Variants in CLPB observed in about 807,000 individuals in gnomAD.
CLPB encodes the protein ClpB family mitochondrial disaggregase, also known as mitochondrial disaggregase.
In CLPB, 40 loss-of-function variants were observed where a neutral mutation model predicts 78.4. That is an observed-to-expected ratio of 0.51 (90% confidence interval 0.40 to 0.66). The LOEUF (loss-of-function observed/expected upper bound fraction) is 0.66, where lower values mean the gene tolerates loss of function less well. Among genes scored for constraint, CLPB ranks in the 30% least tolerant of loss-of-function variants. The pLI is 0.00. For synonymous variants in CLPB, 333 were observed against 348.0 expected, an observed-to-expected ratio of 0.96 and a Z score of 0.48; for missense variants, 780 against 886.9, an observed-to-expected ratio of 0.88 and a Z score of 1.53.
intron 5 of CLPB, among the ~76,000 whole-genome samples, chr11:72,344,734 G>A (rs1189220080): frequency 1.3e-5 from 2 of 152,190 alleles, no homozygotes; most frequent in South Asian, 2.1e-4. Flanking sequence ...CATGGGAAGT[G>A]TTAAAACCAT....
rs745539947 is a variant in CLPB, at chr11:72,317,189, T to C, written c.905A>G (p.Glu302Gly). Residue 302 changes from glutamate to glycine, a missense_variant, in exon 7 of 16, where the codon GAG becomes GGG. Around this residue, in one of 3 missense-constraint regions of CLPB, gnomAD observed 417 missense variants for 414.7 expected, o/e 1.01. Transcript: ENST00000538039. ...YQEKQRKREA[E>G]ERRRFPLEQR... ...CTCCAGGGGGAAGCGGCGCCGCTCC[T>C]CAGCCTCACGCTTCCGCTGCTTCTC... 1.9e-6 allele frequency: 3 copies of C among 1,612,046 alleles called. No individual in the cohort carries two copies. Among genetic ancestry groups the C allele is most frequent in the Non-Finnish European group, 2.5e-6 (3 of 1,179,444 alleles).
chr11:72,345,161 C>A (rs1010496226), intron 5 of CLPB, among the ~76,000 whole-genome samples: 1 of 152,112 alleles, frequency 6.6e-6, no homozygotes, highest in Non-Finnish European at 1.5e-5. Context: ...ACCCCCTGAC[C>A]CAGCAATACC....
chr11:72,310,876 A>T (rs1361679966), intron 7 of CLPB: 1 of 152,042 alleles, frequency 6.6e-6, no homozygotes, highest in East Asian at 1.9e-4. Context: ...GTACAAAAAC[A>T]CCATGGAGAA....
intron 3 of CLPB, among the ~76,000 whole-genome samples, chr11:72,397,290 T>C (rs983858173): frequency 2.6e-5 from 4 of 152,254 alleles, no homozygotes; most frequent in Non-Finnish European, 5.9e-5. Flanking sequence ...GGACATTGCA[T>C]TATATCCAGT....
chr11:72,339,902 A>G (rs1950388496), intron 5 of CLPB, among the ~76,000 whole-genome samples: 1 of 152,258 alleles, frequency 6.6e-6, no homozygotes, highest in African/African-American at 2.4e-5. Context: ...TCACTTGCTT[A>G]AACTTACTAC....
chr11:72,363,191 G>T (rs1449681179), intron 4 of CLPB, among the ~76,000 whole-genome samples: 2 of 148,650 alleles, frequency 1.3e-5, no homozygotes, highest in Non-Finnish European at 3.0e-5. Context: ...GGAAGGAAGG[G>T]AAGGGAAGGG....
At chr11:72,378,486 T>C (rs2365379) in intron 4 of CLPB, among the ~76,000 whole-genome samples, 9,242 of 152,236 alleles carry the variant, frequency 0.061, 443 homozygotes, top group African/African-American at 0.13. Context: ...ATGAGACTTA[T>C]TCACTATCAC....
intron 3 of CLPB, among the ~76,000 whole-genome samples, chr11:72,400,604 T>C (rs901142664): frequency 6.6e-6 from 1 of 152,216 alleles, no homozygotes; most frequent in Non-Finnish European, 1.5e-5. Context: ...CACCTCTCCT[T>C]CTTTAGCACC....
At position 72,286,220 on chromosome 11, in the gene CLPB, CCTG is replaced by C. The variant is rs1250704825; in HGVS notation, c.*7144_*7146del. 1.6e-5 allele frequency: 1 copy of C among 64,072 alleles called. No homozygotes were observed. The highest frequency in any genetic ancestry group is 6.2e-5 in the African/African-American group (1 of 16,026). 4.0% of individuals were successfully genotyped at this position (64,072 alleles called of 1,614,324 possible). ...GAGATTACAGGTGTGAGATACTGCA[CCTG>C]TTTTTTTTTTTTTTTTTTTTTTTAA... On this transcript the variant is annotated 3_prime_UTR_variant, in exon 16 of 16. Coordinates refer to ENST00000538039, the MANE Select transcript of CLPB (RefSeq NM_001258392.3).
intron 6 of CLPB, among the ~76,000 whole-genome samples, chr11:72,318,003 C>T (rs573958494): frequency 5.9e-5 from 9 of 152,356 alleles, no homozygotes; most frequent in South Asian, 2.1e-4. Flanking sequence ...ACAAATACTT[C>T]GCAACCATTT....
intron 5 of CLPB, among the ~76,000 whole-genome samples, chr11:72,348,994 G>A (rs1279311109): frequency 2.0e-5 from 3 of 152,202 alleles, no homozygotes; most frequent in Non-Finnish European, 4.4e-5. Context: ...AAATCATACA[G>A]GATGCTTTAA....
intron 4 of CLPB, among the ~76,000 whole-genome samples, chr11:72,373,771 C>T (rs1366169628): frequency 2.6e-5 from 4 of 151,892 alleles, no homozygotes; most frequent in Non-Finnish European, 4.4e-5. Flanking sequence ...CATGGTGAAA[C>T]TCCATCTCTA....
chr11:72,358,740 G>C, intron 5 of CLPB, 140 bp downstream of exon 5: 1 of 727,028 alleles, frequency 1.4e-6, no homozygotes, highest in Non-Finnish European at 2.2e-6. Flanking sequence ...GGGCTCTGGG[G>C]AAGTATGTTA....
chr11:72,378,605 GGGATACA>G (rs1854796959), intron 4 of CLPB, among the ~76,000 whole-genome samples: 2 of 152,168 alleles, frequency 1.3e-5, no homozygotes, highest in African/African-American at 4.8e-5. Flanking sequence ...GATTTGAATA[GGGATACA>G]GCCAAACCAT....
rs760696085 is a variant in CLPB, at chr11:72,317,313, G to A, written c.874-93C>T. On this transcript the variant is annotated intron_variant, in intron 6 of 15. Transcript: ENST00000538039. ...CCAACTCGGGGAAAACACAGGTCTG[G>A]GTATCCAGGGGTCCTGCTTCATAGC... 1.3e-5 allele frequency: 11 copies of A among 861,052 alleles called. No individual in the cohort carries two copies. In the African/African-American group the frequency reaches 1.9e-4, roughly 15 times the overall value. 53.3% of individuals were successfully genotyped at this position (861,052 alleles called of 1,614,324 possible).
intron 4 of CLPB, among the ~76,000 whole-genome samples, chr11:72,369,230 C>T (rs1439141578): frequency 6.6e-6 from 1 of 152,132 alleles, no homozygotes; most frequent in Non-Finnish European, 1.5e-5. Context: ...TTCACACCAC[C>T]AAATTCATAA....
At chr11:72,345,650 A>C (rs574680149) in intron 5 of CLPB, among the ~76,000 whole-genome samples, 5 of 152,362 alleles carry the variant, frequency 3.3e-5, no homozygotes, top group African/African-American at 1.2e-4. Flanking sequence ...GAAATGAGAT[A>C]GTGCTCTACA....
chr11:72,324,203 A>C (rs1365580541), intron 6 of CLPB, among the ~76,000 whole-genome samples: 4 of 152,272 alleles, frequency 2.6e-5, no homozygotes, highest in South Asian at 4.1e-4. Flanking sequence ...CTTGTATGTG[A>C]AAATACAGTG....
chr11:72,338,427 G>A (rs1346680073), intron 5 of CLPB, among the ~76,000 whole-genome samples: 3 of 152,110 alleles, frequency 2.0e-5, no homozygotes, highest in Non-Finnish European at 2.9e-5. Context: ...TAGAACCCAC[G>A]CCTACTAGTC....
Sources: allele counts gnomAD v4.1 joint callset (sites outside exome capture counted in the v4.1 genomes callset), GRCh38; gene constraint gnomAD v4.1.1; regional missense constraint gnomAD v4.1.1; transcripts MANE v1.5; gene names NCBI Gene and HGNC (gene_info 2026-07-23, HGNC 2026-07-21).